Variants in POGLUT2 observed in about 807,000 individuals in gnomAD.
The protein encoded by POGLUT2 is protein O-glucosyltransferase 2.
Under a neutral mutation model 57.6 loss-of-function variants are expected in POGLUT2, and 47 were observed. The observed-to-expected ratio is 0.82, with a 90% confidence interval of 0.65 to 1.04. The LOEUF (loss-of-function observed/expected upper bound fraction) is 1.04, where lower values mean the gene tolerates loss of function less well. Ranked by LOEUF, POGLUT2 falls within the 50% of genes least tolerant of loss-of-function variation. The pLI is 0.00. For missense variants in POGLUT2, 565 were observed against 614.8 expected, an observed-to-expected ratio of 0.92 and a Z score of 0.86; for synonymous variants, 200 against 218.8, an observed-to-expected ratio of 0.91 and a Z score of 0.76.
At chr13:102,786,417 AGAC>A in intron 8 of POGLUT2, 78 bp from the exon 9 acceptor site, 2 of 916,246 alleles carry the variant, frequency 2.2e-6, no homozygotes, top group Non-Finnish European at 3.6e-6. Flanking sequence ...GAATATATGA[AGAC>A]TATGATTCAT....
At chr13:102,798,399 G>T in intron 1 of POGLUT2, 90 bp downstream of exon 1, 1 of 1,235,340 alleles carries the variant, frequency 8.1e-7, no homozygotes, top group Non-Finnish European at 1.1e-6. Flanking sequence ...AACTGCTGTG[G>T]AGAAACGAGT....
chr13:102,787,688 C>T (rs1464466807), intron 8 of POGLUT2, 146 bp downstream of exon 8: 2 of 438,916 alleles, frequency 4.6e-6, no homozygotes, highest in East Asian at 3.3e-5. Flanking sequence ...TTTATGATTA[C>T]TTAATATTTG....
At position 102,792,020 on chromosome 13, in the gene POGLUT2, G is replaced by A. The variant is rs767549402; in HGVS notation, c.673-590C>T. 151 of 1,289,370 alleles carry A rather than the reference G, an allele frequency of 1.2e-4. 1 individual carries two copies. The highest frequency in any genetic ancestry group is 6.4e-4 in the Middle Eastern group (3 of 4,718). 79.9% of individuals were successfully genotyped at this position (1,289,370 alleles called of 1,614,324 possible). A position where few individuals can be genotyped will look rare whatever the true frequency, so the allele number is the denominator to read the frequency against. On this transcript the variant is annotated intron_variant, in intron 4 of 9. Coordinates refer to ENST00000376004, the MANE Select transcript of POGLUT2 (RefSeq NM_024089.3). Reference sequence around the variant, plus strand: ...AGTCTGAGAAGCATCTTGAGAAACCGAAGTCCTGAAGAACATTCTCATTTT... The same window carrying A: ...AGTCTGAGAAGCATCTTGAGAAACCAAAGTCCTGAAGAACATTCTCATTTT...
At position 102,786,241 on chromosome 13, in the gene POGLUT2, A is replaced by G. The variant is rs779039196; in HGVS notation, c.1482T>C (p.His494=). The change falls in exon 9 of 10, where the codon CAT becomes CAC. Residue 494 remains histidine, a synonymous_variant. Transcript: ENST00000376004. The part of the protein sequence containing the change: ...TEDDLFPCTC[H]RKKTKDEL ...GCTCAGTTCTGGTTACCTTTTTCCT[A>G]TGGCAAGTACAAGGGAAGAGGTCGT... 3.1e-6 allele frequency: 5 copies of G among 1,608,236 alleles called. No homozygotes were observed. The highest frequency in any genetic ancestry group is 1.7e-5 in the Admixed American group (1 of 59,932).
chr13:102,785,969 T>C (rs1877924420), intron 9 of POGLUT2, among the ~76,000 whole-genome samples: 2 of 152,200 alleles, frequency 1.3e-5, no homozygotes, highest in Non-Finnish European at 2.9e-5. Context: ...TCAAATAGGG[T>C]GTGAGCTGGA....
At chr13:102,791,534 AC>A in intron 4 of POGLUT2, 104 bp from the exon 5 acceptor site, 1 of 1,072,664 alleles carries the variant, frequency 9.3e-7, no homozygotes, top group East Asian at 2.4e-5. Flanking sequence ...GGCCAATGTT[AC>A]ATGTTTCAGG....
intron 1 of POGLUT2, among the ~76,000 whole-genome samples, 178 bp downstream of exon 1, chr13:102,798,311 T>C (rs1019272803): frequency 6.6e-6 from 1 of 152,228 alleles, no homozygotes; most frequent in South Asian, 2.1e-4. Flanking sequence ...ATACAATACA[T>C]TATATTGCAT....
chr13:102,787,746 T>C, intron 8 of POGLUT2, 88 bp downstream of exon 8: 1 of 632,674 alleles, frequency 1.6e-6, no homozygotes, highest in South Asian at 2.9e-5. Context: ...TATAGTAACA[T>C]ATGTTTAGAA....
intron 2 of POGLUT2, among the ~76,000 whole-genome samples, chr13:102,796,293 C>CAAAAAAA (rs151064207): frequency 6.0e-5 from 6 of 100,728 alleles, no homozygotes; most frequent in African/African-American, 1.5e-4. Flanking sequence ...GACTCTGCCT[C>CAAAAAAA]AAAAAAAAAA....
At chr13:102,790,760 C>G in intron 6 of POGLUT2, 141 bp downstream of exon 6, 3 of 640,962 alleles carry the variant, frequency 4.7e-6, no homozygotes, top group Non-Finnish European at 8.2e-6. Flanking sequence ...GTCCCCAGCA[C>G]CCCCATGTCT....
intron 1 of POGLUT2, among the ~76,000 whole-genome samples, chr13:102,798,209 A>G (rs1381849866): frequency 1.3e-5 from 2 of 152,238 alleles, no homozygotes; most frequent in Admixed American, 1.3e-4. Flanking sequence ...GTAGTTAGAA[A>G]CAGTATTTCC....
At chr13:102,797,645 G>A (rs897549083) in intron 1 of POGLUT2, among the ~76,000 whole-genome samples, 9 of 152,112 alleles carry the variant, frequency 5.9e-5, no homozygotes, top group South Asian at 4.1e-4. Flanking sequence ...GGGAGGCTGA[G>A]GTGGGAGGAT....
intron 1 of POGLUT2, among the ~76,000 whole-genome samples, chr13:102,797,515 G>A (rs1878458918): frequency 6.6e-6 from 1 of 151,994 alleles, no homozygotes; most frequent in African/African-American, 2.4e-5. Flanking sequence ...ACTGCTTGAG[G>A]CCAGGAGTTC....
At position 102,793,593 on chromosome 13, in the gene POGLUT2, T is replaced by A; in HGVS notation, c.594+8A>T. 1 of 1,607,614 alleles carries A rather than the reference T, an allele frequency of 6.2e-7. No homozygotes were observed. Among genetic ancestry groups the A allele is most frequent in the Non-Finnish European group, 8.5e-7 (1 of 1,174,490 alleles). On this transcript the variant is annotated splice_region_variant and intron_variant, in intron 3 of 9. Coordinates refer to ENST00000376004, the MANE Select transcript of POGLUT2 (RefSeq NM_024089.3). ...TAAAACAAACAAGCAAAAAATCATGTGTTGTACCTTGTTATCCTTTAAGGT... is the reference window on the plus strand; with the variant it reads ...TAAAACAAACAAGCAAAAAATCATGAGTTGTACCTTGTTATCCTTTAAGGT...
chr13:102,795,008 C>G (rs2139100411), intron 2 of POGLUT2, among the ~76,000 whole-genome samples: 1 of 149,812 alleles, frequency 6.7e-6, no homozygotes, highest in South Asian at 2.1e-4. Flanking sequence ...AATCCCAGCA[C>G]TTTGGGAGGC....
chr13:102,796,771 A>C (rs748481563), intron 2 of POGLUT2, 33 bp downstream of exon 2: 1 of 1,103,692 alleles, frequency 9.1e-7, no homozygotes. Flanking sequence ...TTTTATTCAA[A>C]TACTGCTGTT....
At chr13:102,796,285 C>T (rs1202683782) in intron 2 of POGLUT2, among the ~76,000 whole-genome samples, 2 of 130,596 alleles carry the variant, frequency 1.5e-5, no homozygotes, top group Admixed American at 7.9e-5. Flanking sequence ...CAGAGCGAGA[C>T]TCTGCCTCAA....
intron 2 of POGLUT2, among the ~76,000 whole-genome samples, chr13:102,796,477 T>C (rs1259216137): frequency 6.6e-6 from 1 of 151,216 alleles, no homozygotes; most frequent in East Asian, 1.9e-4. Flanking sequence ...ACTTAAGTCA[T>C]ATATTTCCAA....
chr13:102,792,827 G>A (rs190905797), intron 4 of POGLUT2, among the ~76,000 whole-genome samples: 3 of 152,244 alleles, frequency 2.0e-5, no homozygotes, highest in Non-Finnish European at 4.4e-5. Flanking sequence ...TCTCACTCTT[G>A]TCACCCAGGC....
Sources: allele counts gnomAD v4.1 joint callset (sites outside exome capture counted in the v4.1 genomes callset), GRCh38; gene constraint gnomAD v4.1.1; transcripts MANE v1.5; gene names NCBI Gene and HGNC (gene_info 2026-07-23, HGNC 2026-07-21).